Variants in TMEM273 observed in about 807,000 individuals in gnomAD.
TMEM273 encodes the protein chromosome 10 open reading frame 128.
TMEM273 carries 19 observed loss-of-function variants against 17.9 expected under a neutral mutation model. The ratio of observed to expected loss-of-function variants is 1.06; its 90% CI spans 0.74 to 1.55. The LOEUF is 1.55. TMEM273 is among the 40% of genes most tolerant of loss of function. TMEM273 has a pLI of 0.00. For synonymous variants in TMEM273, 66 were observed against 62.0 expected (o/e 1.07, Z -0.31); for missense variants, 194 against 155.6 (o/e 1.25, Z -1.31).
chr10:49,176,960 G>A (rs1445561815), intron 1 of TMEM273, among the ~76,000 whole-genome samples: 2 of 152,196 alleles, frequency 1.3e-5, no homozygotes, highest in African/African-American at 2.4e-5. Flanking sequence ...TGGTCCAGCC[G>A]AAGTCCCCCT....
Position 49,188,328 on chromosome 10 carries a change from C to G in TMEM273, c.9G>C (p.Leu3Phe), listed in dbSNP as rs766618129. 1 of 1,614,204 alleles carries G rather than the reference C, an allele frequency of 6.2e-7. No individual in the cohort carries two copies. Among genetic ancestry groups the G allele is most frequent in the Admixed American group, 1.7e-5 (1 of 60,034 alleles). ...AGAGGATCCTCAGCATGCTGACCCC[C>G]AAGTTCATGCTGGCGCTCTGCTCTT... is the stretch of plus-strand genomic sequence containing the variant. MN[L>F]GVSMLRILFL... The change falls in exon 1 of 7, where the codon TTG becomes TTC. Residue 3 changes from leucine (L) to phenylalanine (F), a missense_variant. Physicochemically the swap from Leu to Phe is conservative, Grantham distance 22. Coordinates refer to ENST00000374153, the MANE Select transcript of TMEM273 (RefSeq NM_001288740.3).
chr10:49,166,016 TA>T (rs1846157645), intron 3 of TMEM273, among the ~76,000 whole-genome samples: 1 of 152,106 alleles, frequency 6.6e-6, no homozygotes, highest in African/African-American at 2.4e-5. Context: ...TCCCATGGCC[TA>T]TTAAGCCCCT....
At position 49,161,690 on chromosome 10, in the gene TMEM273, G is replaced by C. The variant is rs1453036052; in HGVS notation, c.349-68C>G. Reference sequence around the variant, plus strand: ...AAGCCAGAAAGACAATGCAAAACTTGCTGCAAGAGAGTGGCTTGCTTGTCA... The same window carrying C: ...AAGCCAGAAAGACAATGCAAAACTTCCTGCAAGAGAGTGGCTTGCTTGTCA... On this transcript the variant is annotated intron_variant, in intron 5 of 6. Transcript: ENST00000374153. The C allele has an allele frequency of 3.8e-6, 6 of 1,599,876 alleles. No individual in the cohort carries two copies. In the Admixed American group the frequency reaches 1.0e-4, roughly 27 times the overall value.
chr10:49,186,418 T>C (rs2132314189), intron 1 of TMEM273, among the ~76,000 whole-genome samples: 1 of 152,284 alleles, frequency 6.6e-6, no homozygotes, highest in African/African-American at 2.4e-5. Flanking sequence ...TTCCTGGAGG[T>C]GGAATTTCTG....
chr10:49,179,148 A>C (rs539325262), intron 1 of TMEM273, among the ~76,000 whole-genome samples: 1 of 152,250 alleles, frequency 6.6e-6, no homozygotes, highest in African/African-American at 2.4e-5. Context: ...CATGGAATCA[A>C]ATTTAATAAA....
chr10:49,167,030 G>A, intron 2 of TMEM273, 21 bp from the exon 3 acceptor site: 1 of 1,612,320 alleles, frequency 6.2e-7, no homozygotes, highest in Non-Finnish European at 8.5e-7. Flanking sequence ...GGGAGGAATT[G>A]AACACCCGGT....
intron 1 of TMEM273, among the ~76,000 whole-genome samples, chr10:49,173,149 A>C (rs553096107): frequency 6.6e-6 from 1 of 152,346 alleles, no homozygotes; most frequent in South Asian, 2.1e-4. Flanking sequence ...TTGAGCCCAG[A>C]CCAAGTCCTA....
At chr10:49,168,778 T>C (rs892632446) in intron 1 of TMEM273, among the ~76,000 whole-genome samples, 1 of 152,006 alleles carries the variant, frequency 6.6e-6, no homozygotes, top group African/African-American at 2.4e-5. Flanking sequence ...TCCCTCCCTC[T>C]TCTAGCCAGG....
At chr10:49,164,845 A>C (rs1846066257) in intron 5 of TMEM273, among the ~76,000 whole-genome samples, 1 of 148,238 alleles carries the variant, frequency 6.7e-6, no homozygotes, top group African/African-American at 2.5e-5. Context: ...CGGGACCCCC[A>C]CCCCCACTGT....
chr10:49,167,157 C>G, intron 2 of TMEM273, 148 bp from the exon 3 acceptor site: 1 of 1,121,718 alleles, frequency 8.9e-7, no homozygotes, highest in Non-Finnish European at 1.3e-6. Flanking sequence ...TCCCATGAGT[C>G]CCTTTGCTCC....
chr10:49,177,429 G>C (rs1847054891), intron 1 of TMEM273, among the ~76,000 whole-genome samples: 1 of 152,114 alleles, frequency 6.6e-6, no homozygotes. Context: ...CCCGGTTCCT[G>C]AACTCTCAAA....
chr10:49,170,491 C>T (rs753308032), intron 1 of TMEM273, among the ~76,000 whole-genome samples: 37 of 152,324 alleles, frequency 2.4e-4, no homozygotes, highest in Non-Finnish European at 4.4e-4. Flanking sequence ...CCTGTGTCCC[C>T]TCCAAGCTGT....
At chr10:49,168,612 T>C (rs1409474533) in intron 1 of TMEM273, among the ~76,000 whole-genome samples, 2 of 150,222 alleles carry the variant, frequency 1.3e-5, no homozygotes, top group African/African-American at 4.9e-5. Context: ...CAGCATTTGA[T>C]GCAGTGCTTG....
chr10:49,163,068 G>T (rs561282102), intron 5 of TMEM273, among the ~76,000 whole-genome samples: 11 of 152,206 alleles, frequency 7.2e-5, no homozygotes, highest in Middle Eastern at 3.4e-3. Context: ...GAGAACCTGT[G>T]ATTGTGCCAA....
At position 49,181,796 on chromosome 10, in the gene TMEM273, A is replaced by G. The variant is rs1273294757; in HGVS notation, c.43+6498T>C. ...TTAGAGTTTGGTGCAAACTTCTGAG[A>G]CATGCTATCAAAAGCACAGTCCACG... On this transcript the variant is annotated intron_variant, in intron 1 of 6. Transcript: ENST00000374153. 3.3e-5 allele frequency among the ~76,000 whole-genome samples: 5 copies of G among 151,924 alleles called. No individual in the cohort carries two copies. In the East Asian group the frequency reaches 7.7e-4, roughly 23 times the overall value.
At chr10:49,163,812 A>G (rs751829398) in intron 5 of TMEM273, among the ~76,000 whole-genome samples, 24 of 152,136 alleles carry the variant, frequency 1.6e-4, no homozygotes, top group Non-Finnish European at 3.1e-4. Context: ...GAAAACTAGA[A>G]TATCTGTAGG....
chr10:49,160,211 G>A (rs965521202), intron 6 of TMEM273: 22 of 152,130 alleles, frequency 1.4e-4, no homozygotes, highest in South Asian at 4.1e-4. Flanking sequence ...GCCACCCCTC[G>A]TATTATTCAT....
chr10:49,164,863 C>T (rs549697338), intron 5 of TMEM273, among the ~76,000 whole-genome samples: 2 of 152,168 alleles, frequency 1.3e-5, no homozygotes, highest in South Asian at 4.2e-4. Context: ...TGTGCAGCCA[C>T]CACCTGGGAC....
chr10:49,159,483 A>C (rs747538528), intron 6 of TMEM273, among the ~76,000 whole-genome samples: 14 of 152,196 alleles, frequency 9.2e-5, no homozygotes, highest in Non-Finnish European at 1.8e-4. Context: ...ATGTGGTGGA[A>C]AAGCAGGGTT....
Sources: allele counts gnomAD v4.1 joint callset (sites outside exome capture counted in the v4.1 genomes callset), GRCh38; gene constraint gnomAD v4.1.1; transcripts MANE v1.5; gene names NCBI Gene and HGNC (gene_info 2026-07-23, HGNC 2026-07-21).